Variants in ADGRL3 observed in about 807,000 individuals in gnomAD.
ADGRL3 encodes the protein calcium-independent alpha-latrotoxin receptor 3.
In ADGRL3, 62 loss-of-function variants were observed where a neutral mutation model predicts 153.5. That is an observed-to-expected ratio of 0.40 (90% CI 0.33 to 0.50). The LOEUF is 0.50. Ranked by LOEUF, ADGRL3 falls within the 20% of genes least tolerant of loss-of-function variation. The pLI is 0.47. For synonymous variants in ADGRL3, 710 were observed against 672.5 expected (o/e 1.06, Z -0.86); for missense variants, 1,641 against 1,859.4 (o/e 0.88, Z 2.16).
At chr4:61,506,615 C>G (rs1278179555) in intron 3 of ADGRL3, among the ~76,000 whole-genome samples, 2 of 151,992 alleles carry the variant, frequency 1.3e-5, no homozygotes, top group Non-Finnish European at 2.9e-5. Context: ...AGACTCTAAG[C>G]CCAATAAAAT....
intron 9 of ADGRL3, among the ~76,000 whole-genome samples, chr4:61,867,881 T>G (rs73823275): frequency 0.041 from 6,310 of 152,106 alleles, 214 homozygotes; most frequent in East Asian, 0.14. Flanking sequence ...TGTGGATTTT[T>G]TTATATTATT....
At chr4:62,024,702 G>A (rs1717332548) in intron 21 of ADGRL3, among the ~76,000 whole-genome samples, 3 of 151,882 alleles carry the variant, frequency 2.0e-5, no homozygotes, top group Admixed American at 6.6e-5. Flanking sequence ...AGGCCGAGGC[G>A]GGCGGATCAC....
intron 9 of ADGRL3, among the ~76,000 whole-genome samples, chr4:61,867,211 T>G (rs551165188): frequency 6.6e-6 from 1 of 152,048 alleles, no homozygotes; most frequent in African/African-American, 2.4e-5. Context: ...TTTAAGATTG[T>G]AGGAGAGGCA....
chr4:61,986,169 T>C (rs2099084970), intron 19 of ADGRL3, among the ~76,000 whole-genome samples: 1 of 152,106 alleles, frequency 6.6e-6, no homozygotes, highest in Non-Finnish European at 1.5e-5. Context: ...TTCACCTAGA[T>C]CATGGGACTT....
intron 2 of ADGRL3, among the ~76,000 whole-genome samples, chr4:61,437,190 A>G (rs1255298875): frequency 6.6e-6 from 1 of 152,210 alleles, no homozygotes; most frequent in African/African-American, 2.4e-5. Context: ...ATCCAAAACT[A>G]AAAATACAGA....
At chr4:61,277,339 G>T (rs1378079089) in intron 1 of ADGRL3, among the ~76,000 whole-genome samples, 3 of 152,068 alleles carry the variant, frequency 2.0e-5, no homozygotes, top group Non-Finnish European at 4.4e-5. Context: ...GTTTCATACT[G>T]CTTTGTCTTG....
chr4:61,976,971 T>C (rs1002895884), intron 17 of ADGRL3, among the ~76,000 whole-genome samples: 1 of 152,158 alleles, frequency 6.6e-6, no homozygotes, highest in Non-Finnish European at 1.5e-5. Flanking sequence ...GTGGTTGGTG[T>C]TGATGTTTTC....
intron 9 of ADGRL3, among the ~76,000 whole-genome samples, chr4:61,870,501 C>T (rs1046484163): frequency 8.5e-5 from 13 of 152,074 alleles, no homozygotes; most frequent in Admixed American, 3.3e-4. Flanking sequence ...GACACTGGCA[C>T]GAAATGAAAG....
chr4:61,340,798 G>A (rs1390781224), intron 1 of ADGRL3, among the ~76,000 whole-genome samples: 1 of 151,074 alleles, frequency 6.6e-6, no homozygotes, highest in Non-Finnish European at 1.5e-5. Flanking sequence ...AGGTTTGTTT[G>A]CTGTATTATA....
intron 6 of ADGRL3, among the ~76,000 whole-genome samples, chr4:61,701,237 C>T (rs1178729952): frequency 1.3e-5 from 2 of 151,980 alleles, no homozygotes; most frequent in African/African-American, 2.4e-5. Context: ...AATAAACTAA[C>T]GTCACAAAAA....
chr4:61,485,900 T>A (rs1162758707), intron 2 of ADGRL3, among the ~76,000 whole-genome samples: 5 of 144,504 alleles, frequency 3.5e-5, no homozygotes, highest in Admixed American at 2.2e-4. Flanking sequence ...CTCATTAGTC[T>A]CAGCTATGGA....
chr4:61,646,532 G>C, intron 5 of ADGRL3, among the ~76,000 whole-genome samples: 1 of 146,224 alleles, frequency 6.8e-6, no homozygotes, highest in African/African-American at 2.8e-5. Context: ...TGGAGTACTG[G>C]GCCCTGTGAG....
chr4:62,049,340 C>T (rs965479223), intron 25 of ADGRL3, among the ~76,000 whole-genome samples: 2 of 152,044 alleles, frequency 1.3e-5, no homozygotes, highest in African/African-American at 4.8e-5. Flanking sequence ...TTATTTTTCC[C>T]TGATCTCCTA....
chr4:61,747,815 T>C (rs1282798639), intron 8 of ADGRL3, among the ~76,000 whole-genome samples: 1 of 151,662 alleles, frequency 6.6e-6, no homozygotes, highest in Non-Finnish European at 1.5e-5. Flanking sequence ...GGATGCCCTC[T>C]CTCACCACTC....
At chr4:61,497,591 C>T (rs2098334557) in intron 3 of ADGRL3, among the ~76,000 whole-genome samples, 1 of 145,880 alleles carries the variant, frequency 6.9e-6, no homozygotes. Flanking sequence ...TCTCGGCTTA[C>T]TGCAACCTCT....
chr4:61,707,204 A>C (rs1258721838), intron 6 of ADGRL3, among the ~76,000 whole-genome samples: 1 of 152,220 alleles, frequency 6.6e-6, no homozygotes, highest in African/African-American at 2.4e-5. Context: ...TAGTTACATC[A>C]AGTATCACTG....
chr4:61,891,619 G>A (rs964380469), intron 9 of ADGRL3, among the ~76,000 whole-genome samples: 8 of 152,106 alleles, frequency 5.3e-5, no homozygotes, highest in Non-Finnish European at 4.4e-5. Context: ...TATTTTAAGG[G>A]AAGTAGAAAA....
intron 1 of ADGRL3, among the ~76,000 whole-genome samples, chr4:61,351,696 C>T (rs896079867): frequency 6.6e-6 from 1 of 151,478 alleles, no homozygotes; most frequent in African/African-American, 2.4e-5. Context: ...GATGACAGCA[C>T]ATCTGTTTAC....
intron 24 of ADGRL3, among the ~76,000 whole-genome samples, chr4:62,040,036 G>T (rs1727352371): frequency 6.6e-6 from 1 of 152,098 alleles, no homozygotes; most frequent in Non-Finnish European, 1.5e-5. Flanking sequence ...CTGTGGGTGG[G>T]TATACCTTGT....
Sources: allele counts gnomAD v4.1 joint callset (sites outside exome capture counted in the v4.1 genomes callset), GRCh38; gene constraint gnomAD v4.1.1; transcripts MANE v1.5; gene names NCBI Gene and HGNC (gene_info 2026-07-23, HGNC 2026-07-21).